The following OPCML variants were observed in gnomAD, a reference collection of about 807,000 sequenced individuals.
The protein encoded by OPCML is opioid-binding protein/cell adhesion molecule.
Under a neutral mutation model 37.8 loss-of-function variants are expected in OPCML, and 13 were observed. The observed-to-expected ratio is 0.34, with a 90% CI of 0.22 to 0.55. The LOEUF is 0.55. Ranked by LOEUF, OPCML falls within the 20% of genes least tolerant of loss-of-function variation. OPCML has a pLI of 0.91. For synonymous variants in OPCML, 176 were observed against 168.8 expected, an observed-to-expected ratio of 1.04 and a Z score of -0.33; for missense variants, 341 against 435.6, an observed-to-expected ratio of 0.78 and a Z score of 1.93.
At chr11:132,461,161 A>G (rs1340589620) in intron 4 of OPCML, among the ~76,000 whole-genome samples, 2 of 152,046 alleles carry the variant, frequency 1.3e-5, no homozygotes, top group African/African-American at 4.8e-5. Context: ...AGCTCATAAA[A>G]CCCTTAGAAT....
chr11:132,751,766 G>A (rs923858852), intron 2 of OPCML, among the ~76,000 whole-genome samples: 2 of 152,150 alleles, frequency 1.3e-5, no homozygotes, highest in African/African-American at 4.8e-5. Context: ...CTTATTTTCT[G>A]CATCTATGAG....
chr11:132,638,456 C>G (rs757261209), intron 3 of OPCML, among the ~76,000 whole-genome samples: 1 of 152,088 alleles, frequency 6.6e-6, no homozygotes, highest in Non-Finnish European at 1.5e-5. Context: ...CTAAACCACA[C>G]TTGTAAAACT....
At chr11:133,422,474 A>G (rs1384208729) in intron 1 of OPCML, 9 of 982,158 alleles carry the variant, frequency 9.2e-6, no homozygotes, top group African/African-American at 1.8e-5. Context: ...AGTCTTACCC[A>G]TGTTAGCTTA....
intron 1 of OPCML, among the ~76,000 whole-genome samples, chr11:132,966,966 T>A (rs1946228837): frequency 6.6e-6 from 1 of 152,114 alleles, no homozygotes; most frequent in South Asian, 2.1e-4. Flanking sequence ...TTGGATTTTA[T>A]CATTTTTATC....
chr11:132,830,959 T>C (rs1940648875), intron 2 of OPCML, among the ~76,000 whole-genome samples: 1 of 152,152 alleles, frequency 6.6e-6, no homozygotes, highest in Non-Finnish European at 1.5e-5. Context: ...ATAGGATATA[T>C]TTAGAATATG....
At chr11:133,080,482 T>TTG (rs1241493554) in intron 1 of OPCML, among the ~76,000 whole-genome samples, 11 of 151,710 alleles carry the variant, frequency 7.3e-5, no homozygotes, top group African/African-American at 2.4e-4. Flanking sequence ...ATGTTTTTTT[T>TTG]TTTTTTTTTT....
chr11:133,182,097 C>T (rs1937860195), intron 1 of OPCML, among the ~76,000 whole-genome samples: 1 of 152,186 alleles, frequency 6.6e-6, no homozygotes, highest in Admixed American at 6.5e-5. Context: ...ATTTTCAAAA[C>T]AAAACGTGAT....
At chr11:133,368,718 A>C (rs1944608219) in intron 1 of OPCML, among the ~76,000 whole-genome samples, 1 of 152,200 alleles carries the variant, frequency 6.6e-6, no homozygotes, top group Admixed American at 6.5e-5. Context: ...CACTTTTAAA[A>C]ATCTAGAACA....
intron 4 of OPCML, among the ~76,000 whole-genome samples, chr11:132,505,105 C>T (rs2096253712): frequency 6.6e-6 from 1 of 152,136 alleles, no homozygotes; most frequent in Admixed American, 6.5e-5. Context: ...AAACCAGAAG[C>T]TCTGCAGCCT....
At chr11:132,665,896 G>A (rs1942195341) in intron 2 of OPCML, among the ~76,000 whole-genome samples, 1 of 152,068 alleles carries the variant, frequency 6.6e-6, no homozygotes, top group African/African-American at 2.4e-5. Flanking sequence ...TATTACAAAG[G>A]CACCCTATCA....
chr11:133,266,450 T>G (rs1364586926), intron 1 of OPCML, among the ~76,000 whole-genome samples: 5 of 152,172 alleles, frequency 3.3e-5, no homozygotes, highest in Non-Finnish European at 7.3e-5. Context: ...AAGTCTAGAT[T>G]ACATTTGCTT....
At chr11:132,875,014 T>A (rs1230174591) in intron 2 of OPCML, among the ~76,000 whole-genome samples, 1 of 152,212 alleles carries the variant, frequency 6.6e-6, no homozygotes, top group Non-Finnish European at 1.5e-5. Context: ...TAACGAAGTT[T>A]TAAGATTTTC....
intron 1 of OPCML, among the ~76,000 whole-genome samples, chr11:133,527,822 A>C (rs754278491): frequency 4.6e-5 from 7 of 152,214 alleles, no homozygotes; most frequent in Non-Finnish European, 4.4e-5. Context: ...AAGAGCCACT[A>C]ATCAAAGAGA....
intron 2 of OPCML, among the ~76,000 whole-genome samples, chr11:132,871,505 G>T (rs1942793045): frequency 6.6e-6 from 1 of 152,222 alleles, no homozygotes; most frequent in Non-Finnish European, 1.5e-5. Context: ...GTAATCTGAA[G>T]ATGATTTTAT....
At chr11:132,802,236 C>A (rs554627590) in intron 2 of OPCML, among the ~76,000 whole-genome samples, 5 of 152,208 alleles carry the variant, frequency 3.3e-5, no homozygotes, top group African/African-American at 9.7e-5. Flanking sequence ...AGCACACAGT[C>A]CATTTTTTAC....
At chr11:133,075,289 A>T (rs1378001622) in intron 1 of OPCML, among the ~76,000 whole-genome samples, 1 of 152,208 alleles carries the variant, frequency 6.6e-6, no homozygotes, top group Non-Finnish European at 1.5e-5. Context: ...TTCATTCATT[A>T]TGAGGCCAAA....
chr11:132,999,004 T>C (rs1286739859), intron 1 of OPCML, among the ~76,000 whole-genome samples: 1 of 152,150 alleles, frequency 6.6e-6, no homozygotes, highest in Non-Finnish European at 1.5e-5. Context: ...TCTAGCCAAA[T>C]TCCCTCTTTC....
At chr11:133,322,200 G>A (rs561677408) in intron 1 of OPCML, among the ~76,000 whole-genome samples, 3 of 152,204 alleles carry the variant, frequency 2.0e-5, no homozygotes, top group African/African-American at 7.2e-5. Context: ...TCTATGCTCT[G>A]TTCTGATCAA....
At chr11:133,113,124 A>C (rs1006623664) in intron 1 of OPCML, among the ~76,000 whole-genome samples, 1 of 152,178 alleles carries the variant, frequency 6.6e-6, no homozygotes, top group Non-Finnish European at 1.5e-5. Flanking sequence ...GTCTGTTCCT[A>C]CTTATCATGC....
Sources: allele counts gnomAD v4.1 joint callset (sites outside exome capture counted in the v4.1 genomes callset), GRCh38; gene constraint gnomAD v4.1.1; transcripts MANE v1.5; gene names NCBI Gene and HGNC (gene_info 2026-07-23, HGNC 2026-07-21).